Variants in TRAPPC9 observed in about 807,000 individuals in gnomAD.
TRAPPC9 encodes trafficking protein particle complex subunit 9.
In TRAPPC9, 83 loss-of-function variants were observed where a neutral mutation model predicts 124.0. The ratio of observed to expected loss-of-function variants is 0.67; its 90% CI spans 0.56 to 0.80. The LOEUF is 0.80. TRAPPC9 is among the 30% of genes least tolerant of loss of function. The pLI, the probability that TRAPPC9 is intolerant of heterozygous loss-of-function variation, is 0.00. For missense variants in TRAPPC9, 1,302 were observed against 1,508.3 expected (o/e 0.86, Z 2.27); for synonymous variants, 638 against 617.5 (o/e 1.03, Z -0.49).
intron 16 of TRAPPC9, among the ~76,000 whole-genome samples, chr8:140,250,896 A>T (rs987194975): frequency 3.3e-5 from 5 of 152,178 alleles, no homozygotes; most frequent in Non-Finnish European, 7.3e-5. Context: ...GTTTTAAAAG[A>T]TAGAAGAAGG....
intron 16 of TRAPPC9, among the ~76,000 whole-genome samples, chr8:140,228,452 C>T (rs767544468): frequency 1.1e-4 from 16 of 152,186 alleles, no homozygotes; most frequent in Non-Finnish European, 1.6e-4. Flanking sequence ...GCGGCATGCT[C>T]GTTCATTCAG....
At chr8:140,074,969 G>A (rs767774184) in intron 17 of TRAPPC9, among the ~76,000 whole-genome samples, 7 of 152,042 alleles carry the variant, frequency 4.6e-5, no homozygotes, top group Non-Finnish European at 7.4e-5. Flanking sequence ...TTAGATGAGG[G>A]GACTGGAACC....
At chr8:139,807,297 C>A (rs1415435598) in intron 21 of TRAPPC9, among the ~76,000 whole-genome samples, 1 of 152,170 alleles carries the variant, frequency 6.6e-6, no homozygotes, top group African/African-American at 2.4e-5. Context: ...GGATCAGAGA[C>A]CCAACCCCAG....
At chr8:139,798,474 C>T (rs1823254541) in intron 21 of TRAPPC9, among the ~76,000 whole-genome samples, 2 of 152,294 alleles carry the variant, frequency 1.3e-5, no homozygotes, top group African/African-American at 4.8e-5. Flanking sequence ...ATGTGTAACC[C>T]AGGATGAGAA....
chr8:139,934,825 G>T (rs926013798), intron 19 of TRAPPC9, among the ~76,000 whole-genome samples: 6 of 152,156 alleles, frequency 3.9e-5, no homozygotes, highest in Non-Finnish European at 8.8e-5. Flanking sequence ...GCCAAAGGAC[G>T]AAGTGACTGA....
Position 139,729,047 on chromosome 8 carries a change from T to C in TRAPPC9, c.*2014A>G, listed in dbSNP as rs1817680802. On this transcript the variant is annotated 3_prime_UTR_variant, in exon 23 of 23. Transcript: ENST00000438773. Reference sequence around the variant, plus strand: ...GGATCTATATCTGTAGCTATGTGTGTACCTGTATCTTGATCTATTGTGCTT... The same window carrying C: ...GGATCTATATCTGTAGCTATGTGTGCACCTGTATCTTGATCTATTGTGCTT... Among the ~76,000 whole-genome samples, 2 of 152,248 alleles carry C rather than the reference T, an allele frequency of 1.3e-5. No individual in the cohort carries two copies. The highest frequency in any genetic ancestry group is 6.5e-5 in the Admixed American group (1 of 15,290).
rs565206530 is a variant in TRAPPC9 at position 139,803,926 on chromosome 8, A to T, written c.3056-71724T>A. On this transcript the variant is annotated intron_variant, in intron 21 of 22. Coordinates refer to ENST00000438773, the MANE Select transcript of TRAPPC9 (RefSeq NM_001160372.4). ...GTCATTTGAACTTTCAACGGAGTTT[A>T]CCACAGATGAAGAAAGATGGTCCCC... is the stretch of plus-strand genomic sequence containing the variant. Among the ~76,000 whole-genome samples, 94 of 152,226 alleles carry T rather than the reference A, an allele frequency of 6.2e-4. No individual in the cohort carries two copies. In the Middle Eastern group the frequency reaches 0.01, roughly 17 times the overall value.
intron 3 of TRAPPC9, among the ~76,000 whole-genome samples, chr8:140,436,440 G>A (rs11996452): frequency 0.028 from 4,217 of 152,292 alleles, 195 homozygotes; most frequent in African/African-American, 0.091. Context: ...AAGTACTGGA[G>A]GAATGGCATT....
At chr8:139,824,547 T>C (rs1035708019) in intron 21 of TRAPPC9, among the ~76,000 whole-genome samples, 1 of 152,144 alleles carries the variant, frequency 6.6e-6, no homozygotes, top group Admixed American at 6.5e-5. Flanking sequence ...TATTTATATT[T>C]ATGTTATTTT....
chr8:139,746,592 C>T (rs1297388613), intron 21 of TRAPPC9, among the ~76,000 whole-genome samples: 3 of 152,220 alleles, frequency 2.0e-5, no homozygotes, highest in Non-Finnish European at 4.4e-5. Context: ...AGCCAGAACA[C>T]TGTGGAGCCT....
At chr8:140,083,406 T>C (rs4551331) in intron 17 of TRAPPC9, among the ~76,000 whole-genome samples, 36,188 of 151,954 alleles carry the variant, frequency 0.24, 6,046 homozygotes, top group African/African-American at 0.47. Flanking sequence ...CTGACGAACA[T>C]TGAGTGGAAT....
chr8:140,204,495 G>C (rs1179297940), intron 17 of TRAPPC9, among the ~76,000 whole-genome samples: 2 of 119,944 alleles, frequency 1.7e-5, no homozygotes, highest in Non-Finnish European at 3.4e-5. Flanking sequence ...AGGGGGGAGG[G>C]ATAGCATTAG....
chr8:139,791,850 G>T (rs1349335391), intron 21 of TRAPPC9, among the ~76,000 whole-genome samples: 4 of 152,180 alleles, frequency 2.6e-5, no homozygotes, highest in African/African-American at 9.7e-5. Context: ...ATGGGATGCG[G>T]CTCCGCAACC....
At chr8:140,349,683 T>A (rs1293351709) in intron 9 of TRAPPC9, among the ~76,000 whole-genome samples, 1 of 152,148 alleles carries the variant, frequency 6.6e-6, no homozygotes, top group East Asian at 1.9e-4. Context: ...TGCCATGGGC[T>A]TTGCGGCCCT....
chr8:139,736,055 T>G (rs1447996354), intron 21 of TRAPPC9, among the ~76,000 whole-genome samples: 1 of 152,166 alleles, frequency 6.6e-6, no homozygotes, highest in East Asian at 1.9e-4. Flanking sequence ...TGGTGCCCCC[T>G]CCATCTCATC....
At chr8:139,937,177 G>A (rs1295243492) in intron 19 of TRAPPC9, among the ~76,000 whole-genome samples, 1 of 152,146 alleles carries the variant, frequency 6.6e-6, no homozygotes, top group African/African-American at 2.4e-5. Context: ...GTGTCTACAG[G>A]ACATTGCACT....
At chr8:139,793,481 C>T (rs752393956) in intron 21 of TRAPPC9, among the ~76,000 whole-genome samples, 2 of 152,140 alleles carry the variant, frequency 1.3e-5, no homozygotes, top group Non-Finnish European at 2.9e-5. Flanking sequence ...CGCCACCTGC[C>T]GCCTGGCCCC....
intron 17 of TRAPPC9, among the ~76,000 whole-genome samples, chr8:140,065,976 C>T (rs370727966): frequency 8.3e-4 from 127 of 152,242 alleles, no homozygotes; most frequent in African/African-American, 2.8e-3. Flanking sequence ...GTGATTCCTC[C>T]GATGGATCTG....
chr8:140,391,918 C>G (rs1312032465), intron 7 of TRAPPC9, among the ~76,000 whole-genome samples: 1 of 151,448 alleles, frequency 6.6e-6, no homozygotes, highest in Non-Finnish European at 1.5e-5. Flanking sequence ...CCCAGCTACT[C>G]GGGAGGGTGA....
Sources: allele counts gnomAD v4.1 joint callset (sites outside exome capture counted in the v4.1 genomes callset), GRCh38; gene constraint gnomAD v4.1.1; transcripts MANE v1.5; gene names NCBI Gene and HGNC (gene_info 2026-07-23, HGNC 2026-07-21).